BCAS3: variants seen among roughly 807,000 people sequenced by gnomAD.
BCAS3 encodes BCAS4/BCAS3 fusion.
Under a neutral mutation model 116.1 loss-of-function variants are expected in BCAS3, and 53 were observed. The ratio of observed to expected loss-of-function variants is 0.46; its 90% CI spans 0.37 to 0.57. The LOEUF (loss-of-function observed/expected upper bound fraction) is 0.57. Ranked by LOEUF, BCAS3 falls within the 20% of genes least tolerant of loss-of-function variation. The probability of loss-of-function intolerance (pLI) is 0.00; values close to 1 mark genes in which losing one functional copy is unlikely to be tolerated. For missense variants in BCAS3, 917 were observed against 1,165.4 expected (o/e 0.79, Z 3.10); for synonymous variants, 391 against 408.2 (o/e 0.96, Z 0.51).
At chr17:60,828,052 C>T (rs1415407667) in intron 7 of BCAS3, among the ~76,000 whole-genome samples, 1 of 152,082 alleles carries the variant, frequency 6.6e-6, no homozygotes, top group East Asian at 1.9e-4. Flanking sequence ...AAGAAGGATG[C>T]AGTCTTGACA....
intron 13 of BCAS3, among the ~76,000 whole-genome samples, chr17:60,946,950 A>G (rs1374060434): frequency 6.6e-6 from 1 of 152,210 alleles, no homozygotes; most frequent in Non-Finnish European, 1.5e-5. Flanking sequence ...CTGTAAATTC[A>G]GGAATATCAA....
At chr17:60,725,381 C>T (rs1188586361) in intron 5 of BCAS3, among the ~76,000 whole-genome samples, 1 of 152,166 alleles carries the variant, frequency 6.6e-6, no homozygotes, top group East Asian at 1.9e-4. Context: ...TTCTTGCTAA[C>T]ATCTATATTT....
chr17:61,034,642 T>G lies in BCAS3; in HGVS notation c.1638-24T>G. ...TATCATTTCATCATGATAATTGTTT[T>G]TTACTCTTATTTTATTTTTTAAGCA... On this transcript the variant is annotated intron_variant, in intron 16 of 23. Transcript: ENST00000407086. This position sits in a 1 kb window ranked among gnomAD's most constrained non-coding sequence, Gnocchi z 5.0. 1 of 1,578,962 alleles carries G rather than the reference T, an allele frequency of 6.3e-7. No homozygotes were observed. The highest frequency in any genetic ancestry group is 8.6e-7 in the Non-Finnish European group (1 of 1,156,364).
At position 61,028,823 on chromosome 17, in the gene BCAS3, A is replaced by G. The variant is rs1423878949; in HGVS notation, c.1638-5843A>G. Among the ~76,000 whole-genome samples, 2 of 151,926 alleles carry G rather than the reference A, an allele frequency of 1.3e-5. No individual in the cohort carries two copies. The highest frequency in any genetic ancestry group is 6.6e-5 in the Admixed American group (1 of 15,232). ...TGTTTGATGCCATCGTTAGCTCACA[A>G]GAAACTCGTTTTTAGTCACTTATAC... is the stretch of plus-strand genomic sequence containing the variant. On this transcript the variant is annotated intron_variant, in intron 16 of 23. Coordinates refer to ENST00000407086, the MANE Select transcript of BCAS3 (RefSeq NM_017679.5). This position sits in a 1 kb window ranked among gnomAD's most constrained non-coding sequence, Gnocchi z 4.3.
At chr17:60,900,841 C>A (rs2057842885) in intron 10 of BCAS3, among the ~76,000 whole-genome samples, 1 of 151,766 alleles carries the variant, frequency 6.6e-6, no homozygotes, top group Admixed American at 6.6e-5. Context: ...TCTGATGATT[C>A]TAAATTTAGA....
In BCAS3 at chr17:61,343,138, C is replaced by CA. The variant is rs973959646; in HGVS notation, c.2426-25187dup. Among the ~76,000 whole-genome samples the CA allele has an allele frequency of 6.6e-6, 1 of 152,182 alleles. No individual in the cohort carries two copies. Among genetic ancestry groups the CA allele is most frequent in the African/African-American group, 2.4e-5 (1 of 41,442 alleles). ...AGGCTCCTGGGCCACCGAGGAGGGTCAATTCGTGGAGGGGTGGCACCAAAT... is the reference window on the plus strand; with the variant it reads ...AGGCTCCTGGGCCACCGAGGAGGGTCAAATTCGTGGAGGGGTGGCACCAAAT... On this transcript the variant is annotated intron_variant, in intron 22 of 23. Coordinates refer to ENST00000407086, the MANE Select transcript of BCAS3 (RefSeq NM_017679.5). The surrounding 1 kb of genome is among the most constrained non-coding windows in gnomAD (Gnocchi z 5.5).
At chr17:61,232,079 C>T (rs1276285215) in intron 22 of BCAS3, among the ~76,000 whole-genome samples, 1 of 150,680 alleles carries the variant, frequency 6.6e-6, no homozygotes, top group Non-Finnish European at 1.5e-5. Flanking sequence ...ATGGTGGGCA[C>T]CTGTAATCCC....
At chr17:60,718,373 A>G (rs2038875825) in intron 5 of BCAS3, among the ~76,000 whole-genome samples, 1 of 152,154 alleles carries the variant, frequency 6.6e-6, no homozygotes, top group Admixed American at 6.5e-5. Flanking sequence ...AAATGCAAAC[A>G]TCAACATGCT....
Position 60,957,616 on chromosome 17 carries a change from G to T in BCAS3, c.1221+10264G>T, listed in dbSNP as rs989968408. Among the ~76,000 whole-genome samples the T allele has an allele frequency of 2.0e-5, 3 of 152,112 alleles. No individual in the cohort carries two copies. In the South Asian group the frequency reaches 6.2e-4, roughly 32 times the overall value. On this transcript the variant is annotated intron_variant, in intron 14 of 23. Coordinates refer to ENST00000407086, the MANE Select transcript of BCAS3 (RefSeq NM_017679.5). ...TTTTACAGTTTGCATATCATCACTA[G>T]TATCTAATTTCAGGACATTTTTGTA... is the stretch of plus-strand genomic sequence containing the variant.
chr17:61,220,928 A>G lies in BCAS3; in HGVS notation c.2425+136364A>G, dbSNP rs544148358. Among the ~76,000 whole-genome samples the G allele has an allele frequency of 9.9e-5, 15 of 152,234 alleles. No individual in the cohort carries two copies. In the South Asian group the frequency reaches 2.5e-3, roughly 25 times the overall value. On this transcript the variant is annotated intron_variant, in intron 22 of 23. Coordinates refer to ENST00000407086, the MANE Select transcript of BCAS3 (RefSeq NM_017679.5). This position sits in a 1 kb window ranked among gnomAD's most constrained non-coding sequence, Gnocchi z 4.5. ...ATCCTGGCCAACACGGTGAAACCCC[A>G]TCTCTACTAAAAATACAAAAAATTA...
intron 22 of BCAS3, among the ~76,000 whole-genome samples, chr17:61,310,193 G>A (rs747147422): frequency 1.2e-4 from 19 of 152,046 alleles, no homozygotes; most frequent in Non-Finnish European, 1.8e-4. Context: ...GCTTTTATGC[G>A]TATGAGCTTT....
At chr17:60,742,863 C>T (rs949753926) in intron 5 of BCAS3, among the ~76,000 whole-genome samples, 1 of 151,770 alleles carries the variant, frequency 6.6e-6, no homozygotes, top group Non-Finnish European at 1.5e-5. Context: ...CCTGTAATCC[C>T]AGCACTTTGG....
intron 22 of BCAS3, among the ~76,000 whole-genome samples, chr17:61,085,363 G>C (rs763505470): frequency 2.3e-4 from 35 of 152,182 alleles, no homozygotes; most frequent in Non-Finnish European, 2.6e-4. Flanking sequence ...AGTTGAGTCA[G>C]AGAGGATTTT....
chr17:61,316,726 G>A lies in BCAS3; in HGVS notation c.2426-51601G>A, dbSNP rs944941740. Among the ~76,000 whole-genome samples the A allele has an allele frequency of 3.9e-5, 6 of 152,188 alleles. No individual in the cohort carries two copies. The highest frequency in any genetic ancestry group is 6.5e-5 in the Admixed American group (1 of 15,278). On this transcript the variant is annotated intron_variant, in intron 22 of 23. Transcript: ENST00000407086. This position sits in a 1 kb window ranked among gnomAD's most constrained non-coding sequence, Gnocchi z 5.8. ...CTTTGGAAAAGAAATCCATGCCCTCGGAATGATGTGGCTCCTTCCTTTTTT... is the reference window on the plus strand; with the variant it reads ...CTTTGGAAAAGAAATCCATGCCCTCAGAATGATGTGGCTCCTTCCTTTTTT...
At chr17:61,182,865 TGG>T (rs2079559043) in intron 22 of BCAS3, among the ~76,000 whole-genome samples, 1 of 152,260 alleles carries the variant, frequency 6.6e-6, no homozygotes, top group South Asian at 2.1e-4. Context: ...CTTGTGGCCG[TGG>T]GCCCCTTTTC....
chr17:60,814,649 A>G (rs2049199390), intron 7 of BCAS3, among the ~76,000 whole-genome samples: 1 of 152,194 alleles, frequency 6.6e-6, no homozygotes, highest in African/African-American at 2.4e-5. Flanking sequence ...TGCATAAGCA[A>G]AAGATACTTT....
chr17:60,937,344 G>C (rs1211860440), intron 13 of BCAS3, among the ~76,000 whole-genome samples: 1 of 150,976 alleles, frequency 6.6e-6, no homozygotes, highest in Non-Finnish European at 1.5e-5. Flanking sequence ...TTTCTAACTG[G>C]TCTGTTAAAC....
chr17:61,191,537 A>T (rs1338820528), intron 22 of BCAS3, among the ~76,000 whole-genome samples: 1 of 152,144 alleles, frequency 6.6e-6, no homozygotes, highest in African/African-American at 2.4e-5. Context: ...GTGCTTTGGG[A>T]GTCCGAGGCG....
intron 23 of BCAS3, among the ~76,000 whole-genome samples, chr17:61,375,480 A>T (rs1407273588): frequency 3.3e-5 from 5 of 152,088 alleles, no homozygotes; most frequent in Non-Finnish European, 2.9e-5. Context: ...CTACATTTCC[A>T]ATAGGGATCA....
Sources: allele counts gnomAD v4.1 joint callset (sites outside exome capture counted in the v4.1 genomes callset), GRCh38; gene constraint gnomAD v4.1.1; non-coding constraint Gnocchi (gnomAD v3.1); transcripts MANE v1.5; gene names NCBI Gene and HGNC (gene_info 2026-07-23, HGNC 2026-07-21).